Variants in CWF19L2 observed in about 807,000 individuals in gnomAD.
CWF19L2 encodes the protein CWF19 like cell cycle control factor 2, also known as CWF19-like protein 2.
CWF19L2 carries 98 observed loss-of-function variants against 111.7 expected under a neutral mutation model. The observed-to-expected ratio is 0.88, with a 90% confidence interval of 0.75 to 1.04. The LOEUF (loss-of-function observed/expected upper bound fraction) is 1.04, where lower values mean the gene tolerates loss of function less well. Among genes scored for constraint, CWF19L2 ranks in the 50% least tolerant of loss-of-function variants. The pLI, the probability that CWF19L2 is intolerant of heterozygous loss-of-function variation, is 0.00. For missense variants in CWF19L2, 1,101 were observed against 1,051.4 expected, an observed-to-expected ratio of 1.05 and a Z score of -0.65; for synonymous variants, 351 against 342.9, an observed-to-expected ratio of 1.02 and a Z score of -0.26.
chr11:107,354,100 CTT>C lies in CWF19L2; in HGVS notation c.1873-366_1873-365del, dbSNP rs58883142. ...CATATACACTATATAGAATGTGGAA[CTT>C]TTTTTTTTTTTTTAACCACATCTCC... On this transcript the variant is annotated intron_variant, in intron 12 of 17. Coordinates refer to ENST00000282251, the MANE Select transcript of CWF19L2 (RefSeq NM_152434.3). Among the ~76,000 whole-genome samples the C allele has an allele frequency of 2.8e-3, 401 of 144,142 alleles. 7 individuals are homozygous for C. The highest frequency in any genetic ancestry group is 3.7e-3 in the Middle Eastern group (1 of 270). The allele number at this position is 144,142 out of a possible 152,430, so 94.6% of individuals were successfully genotyped here. A position where few individuals can be genotyped will look rare whatever the true frequency, so the allele number is the denominator to read the frequency against.
At chr11:107,420,710 G>A (rs190516483) in intron 8 of CWF19L2, among the ~76,000 whole-genome samples, 8 of 151,920 alleles carry the variant, frequency 5.3e-5, no homozygotes, top group Non-Finnish European at 1.0e-4. Context: ...TATAAATAAG[G>A]TATAGTAAGA....
intron 7 of CWF19L2, among the ~76,000 whole-genome samples, chr11:107,431,394 A>G (rs1006432513): frequency 2.0e-4 from 30 of 152,018 alleles, no homozygotes; most frequent in Non-Finnish European, 3.2e-4. Context: ...CATATGCATA[A>G]TAACTGCACA....
chr11:107,333,692 C>T (rs1257702471), intron 16 of CWF19L2, among the ~76,000 whole-genome samples: 2 of 151,940 alleles, frequency 1.3e-5, no homozygotes, highest in Non-Finnish European at 2.9e-5. Context: ...TAATGTTGTA[C>T]CTCTAAAATA....
intron 12 of CWF19L2, among the ~76,000 whole-genome samples, chr11:107,359,726 C>T (rs1353700405): frequency 6.6e-6 from 1 of 151,928 alleles, no homozygotes; most frequent in East Asian, 1.9e-4. Flanking sequence ...TCAAGACCAG[C>T]CTGGGCAACA....
Position 107,449,402 on chromosome 11 carries a change from A to G in CWF19L2, c.339+5048T>C, listed in dbSNP as rs145258885. Reference sequence around the variant, plus strand: ...TCAGACCTACATAAAATAATAAAGAATATCAGAGATGATAAATCTGTGGGT... The same window carrying G: ...TCAGACCTACATAAAATAATAAAGAGTATCAGAGATGATAAATCTGTGGGT... On this transcript the variant is annotated intron_variant, in intron 3 of 17. Coordinates refer to ENST00000282251, the MANE Select transcript of CWF19L2 (RefSeq NM_152434.3). Among the ~76,000 whole-genome samples the G allele has an allele frequency of 6.6e-4, 100 of 152,264 alleles. No individual in the cohort carries two copies. The East Asian group carries it at 0.017, about 26-fold the overall frequency.
chr11:107,362,522 C>T (rs1037497575), intron 12 of CWF19L2, among the ~76,000 whole-genome samples: 3 of 152,184 alleles, frequency 2.0e-5, no homozygotes, highest in East Asian at 1.9e-4. Context: ...GACCCCTGAC[C>T]CCCGAGCAGC....
At chr11:107,383,364 G>C (rs192246813) in intron 12 of CWF19L2, among the ~76,000 whole-genome samples, 6 of 152,006 alleles carry the variant, frequency 3.9e-5, no homozygotes, top group Non-Finnish European at 5.9e-5. Flanking sequence ...TCCACTGCTC[G>C]GTGCGTGGAG....
At chr11:107,450,414 C>T in intron 3 of CWF19L2, among the ~76,000 whole-genome samples, 1 of 151,862 alleles carries the variant, frequency 6.6e-6, no homozygotes, top group Non-Finnish European at 1.5e-5. Context: ...ATATCCTGGA[C>T]GTCGAAGTGC....
At chr11:107,357,933 A>T (rs745430103) in intron 12 of CWF19L2, among the ~76,000 whole-genome samples, 6 of 152,208 alleles carry the variant, frequency 3.9e-5, no homozygotes, top group African/African-American at 1.4e-4. Context: ...AGAAAAGAGG[A>T]GCATGAAAAT....
In CWF19L2 at chr11:107,431,274, A is replaced by G. The variant is rs111886806; in HGVS notation, c.781-1823T>C. ...TTTCCACATAACCCAAAATTTTTAA[A>G]ATTAGGATAATAAAAGTTTAAAGAA... is the stretch of plus-strand genomic sequence containing the variant. On this transcript the variant is annotated intron_variant, in intron 7 of 17. Coordinates refer to ENST00000282251, the MANE Select transcript of CWF19L2 (RefSeq NM_152434.3). Among the ~76,000 whole-genome samples the G allele has an allele frequency of 3.8e-4, 56 of 145,928 alleles. 2 individuals carry two copies. The highest frequency in any genetic ancestry group is 1.3e-3 in the African/African-American group (54 of 40,076).
At chr11:107,370,382 C>T (rs2134569565) in intron 12 of CWF19L2, among the ~76,000 whole-genome samples, 1 of 137,236 alleles carries the variant, frequency 7.3e-6, no homozygotes, top group Non-Finnish European at 1.6e-5. Flanking sequence ...GTTATCATGA[C>T]AACAGAACCA....
chr11:107,425,185 C>CACACAT (rs1861357179), intron 8 of CWF19L2, among the ~76,000 whole-genome samples: 1 of 139,582 alleles, frequency 7.2e-6, no homozygotes, highest in Non-Finnish European at 1.5e-5. Flanking sequence ...TTGAAACACA[C>CACACAT]ACACACACAC....
chr11:107,343,254 T>G (rs1860030754), intron 14 of CWF19L2, among the ~76,000 whole-genome samples: 1 of 152,086 alleles, frequency 6.6e-6, no homozygotes, highest in East Asian at 1.9e-4. Context: ...TATTTCTCCT[T>G]TCAGTTCATT....
chr11:107,339,778 G>A (rs891138933), intron 14 of CWF19L2, among the ~76,000 whole-genome samples: 4 of 148,634 alleles, frequency 2.7e-5, no homozygotes, highest in South Asian at 2.1e-4. Flanking sequence ...TGATTCTCCC[G>A]CCTTGGCCCC....
At chr11:107,346,710 T>A (rs1020795662) in intron 14 of CWF19L2, among the ~76,000 whole-genome samples, 2 of 152,146 alleles carry the variant, frequency 1.3e-5, no homozygotes, top group African/African-American at 4.8e-5. Flanking sequence ...GTAGCTGGGC[T>A]AGAAAACCAG....
chr11:107,405,391 G>T (rs1409013229), intron 10 of CWF19L2, among the ~76,000 whole-genome samples: 3 of 152,088 alleles, frequency 2.0e-5, no homozygotes, highest in Non-Finnish European at 4.4e-5. Flanking sequence ...TCACTTTATT[G>T]ATTTTTCCTA....
chr11:107,423,046 T>C (rs1201529020), intron 8 of CWF19L2, among the ~76,000 whole-genome samples: 3 of 152,016 alleles, frequency 2.0e-5, no homozygotes. Flanking sequence ...GTAGGGACAC[T>C]GCATTCATGT....
intron 8 of CWF19L2, among the ~76,000 whole-genome samples, chr11:107,422,536 G>A (rs1014361463): frequency 3.3e-5 from 5 of 151,854 alleles, no homozygotes; most frequent in African/African-American, 1.2e-4. Context: ...ATACCAAAAT[G>A]TACACTTTTG....
intron 13 of CWF19L2, among the ~76,000 whole-genome samples, chr11:107,350,733 G>T (rs1248171530): frequency 2.0e-5 from 3 of 152,032 alleles, no homozygotes; most frequent in Admixed American, 6.6e-5. Flanking sequence ...GTGATAAGGG[G>T]TACTAAAAAA....
Sources: gnomAD v4.1 joint callset for allele counts (sites outside exome capture counted in the v4.1 genomes callset) on GRCh38, gnomAD v4.1.1 for gene constraint, MANE v1.5 for transcripts, NCBI Gene and HGNC (gene_info 2026-07-23, HGNC 2026-07-21) for gene names.